XIRP2: variants seen among roughly 807,000 people sequenced by gnomAD.
XIRP2 encodes xin actin-binding repeat-containing protein 2.
In XIRP2, 236 loss-of-function variants were observed where a neutral mutation model predicts 277.0. The observed-to-expected ratio is 0.85, with a 90% CI of 0.77 to 0.95. The LOEUF is 0.95. Among genes scored for constraint, XIRP2 ranks in the 40% least tolerant of loss-of-function variants. XIRP2 has a pLI of 0.00. For missense variants in XIRP2, 4,640 were observed against 4,157.5 expected (o/e 1.12, Z -3.19); for synonymous variants, 1,490 against 1,416.5 (o/e 1.05, Z -1.17).
At chr2:167,179,353 C>G (rs1385527689) in intron 3 of XIRP2, among the ~76,000 whole-genome samples, 2 of 142,062 alleles carry the variant, frequency 1.4e-5, no homozygotes, top group East Asian at 4.1e-4. Context: ...CAAAGTCTCT[C>G]CCTGTTGCCC....
rs187662520 is a variant in XIRP2 at position 167,017,323 on chromosome 2, C to G, written c.408+113433C>G. Among the ~76,000 whole-genome samples the G allele has an allele frequency of 2.8e-3, 431 of 151,996 alleles. 4 individuals carry two copies. The highest frequency in any genetic ancestry group is 9.9e-3 in the African/African-American group (409 of 41,484). On this transcript the variant is annotated intron_variant, in intron 2 of 10. Coordinates refer to ENST00000409195, the MANE Select transcript of XIRP2 (RefSeq NM_152381.6). Reference sequence around the variant, plus strand: ...CTTGGTGATTTATGTGGTTGCATAACTAAAAATTTTTATTTCTGAGAGTCT... The same window carrying G: ...CTTGGTGATTTATGTGGTTGCATAAGTAAAAATTTTTATTTCTGAGAGTCT...
rs61688096 is a variant in XIRP2 at position 167,032,385 on chromosome 2, G to A, written c.409-103524G>A. On this transcript the variant is annotated intron_variant, in intron 2 of 10. Coordinates refer to ENST00000409195, the MANE Select transcript of XIRP2 (RefSeq NM_152381.6). ...AGGCAATACCATTCAGGACATAAGCGTGGGCAAAGACTTCATGACTAAAAC... is the reference window on the plus strand; with the variant it reads ...AGGCAATACCATTCAGGACATAAGCATGGGCAAAGACTTCATGACTAAAAC... 2.1e-3 allele frequency among the ~76,000 whole-genome samples: 325 copies of A among 151,996 alleles called. 1 individual carries two copies. Among genetic ancestry groups the A allele is most frequent in the African/African-American group, 7.3e-3 (303 of 41,494 alleles).
At chr2:167,152,585 A>G (rs1692049179) in intron 3 of XIRP2, among the ~76,000 whole-genome samples, 2 of 152,112 alleles carry the variant, frequency 1.3e-5, no homozygotes, top group African/African-American at 4.8e-5. Flanking sequence ...AGAAAAAAAT[A>G]TTTACTATCT....
chr2:167,254,907 A>ATT (rs111733963), intron 10 of XIRP2, among the ~76,000 whole-genome samples: 79 of 144,052 alleles, frequency 5.5e-4, no homozygotes, highest in African/African-American at 1.7e-3. Flanking sequence ...GCTAAAATTG[A>ATT]TTTTTTTTTT....
At chr2:166,924,175 T>C (rs867595742) in intron 2 of XIRP2, among the ~76,000 whole-genome samples, 1 of 152,232 alleles carries the variant, frequency 6.6e-6, no homozygotes, top group Middle Eastern at 3.4e-3. Context: ...GGAGATCCAC[T>C]TGGGAGTTCC....
chr2:167,125,131 T>G (rs920838527), intron 2 of XIRP2, among the ~76,000 whole-genome samples: 3 of 152,196 alleles, frequency 2.0e-5, no homozygotes, highest in African/African-American at 7.2e-5. Flanking sequence ...GTGATGATGT[T>G]GTGACGATCA....
In XIRP2 at chr2:167,243,144, A is replaced by T; in HGVS notation, c.1752A>T (p.Gln584His). ...VQSIRWIFEN[Q>H]PLDSINNGSP... ...CCATTAGATGGATCTTTGAGAATCAACCATTGGATTCCATCAACAATGGCT... is the reference window on the plus strand; with the variant it reads ...CCATTAGATGGATCTTTGAGAATCATCCATTGGATTCCATCAACAATGGCT... The change falls in exon 9 of 11, where the codon CAA becomes CAT. Residue 584 changes from glutamine to histidine, a missense_variant. By Grantham distance (24) the Gln-to-His change is conservative. Coordinates refer to ENST00000409195, the MANE Select transcript of XIRP2 (RefSeq NM_152381.6). 6.2e-7 allele frequency: 1 copy of T among 1,614,144 alleles called. No homozygotes were observed. Among genetic ancestry groups the T allele is most frequent in the Non-Finnish European group, 8.5e-7 (1 of 1,179,992 alleles).
rs1690362425 is a variant in XIRP2, at chr2:167,097,723, C to T, written c.409-38186C>T. Among the ~76,000 whole-genome samples, 5 of 152,292 alleles carry T rather than the reference C, an allele frequency of 3.3e-5. No homozygotes were observed. The South Asian group carries it at 1.0e-3, about 32-fold the overall frequency. On this transcript the variant is annotated intron_variant, in intron 2 of 10. Transcript: ENST00000409195. ...TCCTTTCCATATTTGTTGCTTCCTTCAGGAGCTCTTATAAGGCCTGGTATG... is the reference window on the plus strand; with the variant it reads ...TCCTTTCCATATTTGTTGCTTCCTTTAGGAGCTCTTATAAGGCCTGGTATG...
intron 2 of XIRP2, among the ~76,000 whole-genome samples, chr2:167,034,641 A>T (rs529461414): frequency 1.3e-5 from 2 of 152,320 alleles, no homozygotes; most frequent in South Asian, 4.1e-4. Context: ...AGGAGCAGCT[A>T]TACTTATACA....
intron 3 of XIRP2, among the ~76,000 whole-genome samples, chr2:167,161,396 C>A (rs1692358727): frequency 6.6e-6 from 1 of 152,242 alleles, no homozygotes; most frequent in South Asian, 2.1e-4. Flanking sequence ...CTGCAGCAAA[C>A]TTCTGCCTGG....
At chr2:167,203,341 A>G (rs1693773359) in intron 3 of XIRP2, among the ~76,000 whole-genome samples, 1 of 152,214 alleles carries the variant, frequency 6.6e-6, no homozygotes, top group Non-Finnish European at 1.5e-5. Flanking sequence ...GAAAGCAGGA[A>G]CGAATCCTTT....
intron 1 of XIRP2, among the ~76,000 whole-genome samples, chr2:166,902,155 C>A (rs1400988811): frequency 6.6e-6 from 1 of 152,040 alleles, no homozygotes; most frequent in Non-Finnish European, 1.5e-5. Context: ...ATGGAGCTAT[C>A]CAGCAGTCCA....
intron 3 of XIRP2, among the ~76,000 whole-genome samples, chr2:167,164,257 G>A (rs1451946557): frequency 2.6e-5 from 4 of 151,544 alleles, no homozygotes; most frequent in Admixed American, 1.3e-4. Context: ...TGGCTAACAC[G>A]GTGAAACCCC....
At chr2:167,182,241 T>C (rs1361193798) in intron 3 of XIRP2, among the ~76,000 whole-genome samples, 4 of 152,202 alleles carry the variant, frequency 2.6e-5, no homozygotes, top group South Asian at 4.1e-4. Flanking sequence ...CAAATCCTAA[T>C]TGGTGGGCTA....
chr2:166,972,572 C>T (rs914407280), intron 2 of XIRP2, among the ~76,000 whole-genome samples: 7 of 152,094 alleles, frequency 4.6e-5, no homozygotes, highest in Non-Finnish European at 8.8e-5. Context: ...AAGCACAGTT[C>T]ATATTCTGCA....
intron 2 of XIRP2, among the ~76,000 whole-genome samples, chr2:167,093,231 A>T (rs1345430194): frequency 1.3e-5 from 2 of 151,738 alleles, no homozygotes; most frequent in Admixed American, 1.3e-4. Flanking sequence ...AAGAATATTA[A>T]TATTAAATAA....
intron 2 of XIRP2, among the ~76,000 whole-genome samples, chr2:167,015,838 A>T (rs1312005190): frequency 6.6e-6 from 1 of 151,692 alleles, no homozygotes; most frequent in African/African-American, 2.4e-5. Context: ...GTCTCTCTGT[A>T]TGTCCTCCCT....
chr2:166,954,424 G>T (rs1273146006), intron 2 of XIRP2, among the ~76,000 whole-genome samples: 1 of 151,874 alleles, frequency 6.6e-6, no homozygotes, highest in African/African-American at 2.4e-5. Flanking sequence ...AACAACAGAT[G>T]CTGGTGAGGT....
chr2:166,948,999 C>T (rs1041815585), intron 2 of XIRP2, among the ~76,000 whole-genome samples: 2 of 151,918 alleles, frequency 1.3e-5, no homozygotes, highest in African/African-American at 2.4e-5. Context: ...CACATCTCAT[C>T]AGGGTGTTTT....
Sources: allele counts gnomAD v4.1 joint callset (sites outside exome capture counted in the v4.1 genomes callset), GRCh38; gene constraint gnomAD v4.1.1; transcripts MANE v1.5; gene names NCBI Gene and HGNC (gene_info 2026-07-23, HGNC 2026-07-21).